The following TRPV3 variants were observed in gnomAD, a reference collection of about 807,000 sequenced individuals.
The protein encoded by TRPV3 is VRL-3.
Under a neutral mutation model 87.1 loss-of-function variants are expected in TRPV3, and 88 were observed. That is an observed-to-expected ratio of 1.01 (90% confidence interval 0.85 to 1.21). TRPV3 has a LOEUF of 1.21. Among genes scored for constraint, TRPV3 ranks in the 50% most tolerant of loss-of-function variants. The pLI is 0.00. For missense variants in TRPV3, 1,054 were observed against 1,030.1 expected, an observed-to-expected ratio of 1.02 and a Z score of -0.32; for synonymous variants, 438 against 423.3, an observed-to-expected ratio of 1.03 and a Z score of -0.43.
At position 3,532,819 on chromosome 17, in the gene TRPV3, G is replaced by A. The variant is rs371794577; in HGVS notation, c.903C>T (p.His301=). The change falls in exon 8 of 18, where the codon CAC becomes CAT. Residue 301 remains histidine (H), a synonymous_variant. Coordinates refer to ENST00000576742, the MANE Select transcript of TRPV3 (RefSeq NM_145068.4). Reference sequence around the variant, plus strand: ...AGTCCTCGGCCACGGTCACCAGGGCGTGAAGGATGTTGTTGCCTCGTGAGT... The same window carrying A: ...AGTCCTCGGCCACGGTCACCAGGGCATGAAGGATGTTGTTGCCTCGTGAGT... The part of the protein sequence containing the change: ...SRDSRGNNIL[H]ALVTVAEDFK... 247 of 1,614,160 alleles carry A rather than the reference G, an allele frequency of 1.5e-4. No homozygotes were observed. Among genetic ancestry groups the A allele is most frequent in the Non-Finnish European group, 1.7e-4 (201 of 1,180,054 alleles).
At chr17:3,524,986 C>T (rs2074282796) in intron 12 of TRPV3, among the ~76,000 whole-genome samples, 1 of 152,108 alleles carries the variant, frequency 6.6e-6, no homozygotes, top group Non-Finnish European at 1.5e-5. Context: ...GCAAAAGTCC[C>T]CCAAACCCTA....
intron 12 of TRPV3, among the ~76,000 whole-genome samples, chr17:3,524,647 G>C (rs1019158530): frequency 6.6e-6 from 1 of 151,624 alleles, no homozygotes; most frequent in South Asian, 2.1e-4. Flanking sequence ...AAGATTCTAG[G>C]GTACTGCCCG....
intron 12 of TRPV3, among the ~76,000 whole-genome samples, chr17:3,525,090 G>C (rs2074285066): frequency 6.6e-6 from 1 of 152,206 alleles, no homozygotes; most frequent in African/African-American, 2.4e-5. Context: ...CATGAACTCT[G>C]CTCACTGCAA....
At position 3,515,576 on chromosome 17, in the gene TRPV3, G is replaced by A. The variant is rs571363004; in HGVS notation, c.2198+881C>T. The stretch of plus-strand genomic sequence containing the variant: ...CCGGGGAGGCTGAGGCAGGAGAATC[G>A]CTTCAACCAGGGAGGCGGAGGTTGC... On this transcript the variant is annotated intron_variant, in intron 16 of 17. Transcript: ENST00000576742. 1.1e-3 allele frequency among the ~76,000 whole-genome samples: 172 copies of A among 151,232 alleles called. 1 individual carries two copies. Among genetic ancestry groups the A allele is most frequent in the African/African-American group, 4.0e-3 (165 of 41,202 alleles).
In TRPV3 at chr17:3,535,707, G is replaced by T; in HGVS notation, c.650C>A (p.Thr217Lys). The change falls in exon 7 of 18, where the codon ACG (threonine) becomes AAG (lysine). Residue 217 changes from threonine to lysine, a missense_variant. Coordinates refer to ENST00000576742, the MANE Select transcript of TRPV3 (RefSeq NM_145068.4). ...CCGCTCGATGGCGATGTTCAGCGCC[G>T]TCTGCCCTGCGGAGCGGGCGGGGAC... Reference protein sequence around the residue: ...EYTEEAYEGQTALNIAIERRQ... With the variant: ...EYTEEAYEGQKALNIAIERRQ... 6.5e-7 allele frequency: 1 copy of T among 1,541,292 alleles called. No homozygotes were observed. The highest frequency in any genetic ancestry group is 8.7e-7 in the Non-Finnish European group (1 of 1,147,084).
intron 6 of TRPV3, among the ~76,000 whole-genome samples, chr17:3,537,365 T>C (rs1265345031): frequency 4.6e-5 from 7 of 151,840 alleles, no homozygotes; most frequent in African/African-American, 1.7e-4. Context: ...GATAAGTAAA[T>C]AAAACTATTT....
In TRPV3 at chr17:3,545,162, C is replaced by A; in HGVS notation, c.224+5G>T. ...GCAAGGGGTTGGGCTGGGGCCCGTA[C>A]TCACCACTGCCGGATGTTGGAATCC... On this transcript the variant is annotated splice_donor_5th_base_variant and intron_variant, in intron 3 of 17. Coordinates refer to ENST00000576742, the MANE Select transcript of TRPV3 (RefSeq NM_145068.4). 1 of 1,611,704 alleles carries A rather than the reference C, an allele frequency of 6.2e-7. No homozygotes were observed.
chr17:3,547,201 C>T (rs1348391066), intron 2 of TRPV3, among the ~76,000 whole-genome samples: 3 of 152,174 alleles, frequency 2.0e-5, no homozygotes, highest in Admixed American at 6.5e-5. Context: ...TCTGAGGGGC[C>T]GTCCCTAGAC....
Position 3,528,009 on chromosome 17 carries a change from CG to C in TRPV3, c.1503+15del. 12 of 1,606,406 alleles carry C rather than the reference CG, an allele frequency of 7.5e-6. No homozygotes were observed. Among genetic ancestry groups the C allele is most frequent in the African/African-American group, 4.0e-5 (3 of 74,870 alleles). On this transcript the variant is annotated intron_variant, in intron 11 of 17. Transcript: ENST00000576742. The surrounding 1 kb of genome is among the most constrained non-coding windows in gnomAD (Gnocchi z 4.2). ...GCCTCGCGGGGCGGTCTGGAAGGGC[CG>C]GGTGGCCCACTTACCTCTTTCACAG...
At chr17:3,525,071 G>C (rs1194095802) in intron 12 of TRPV3, among the ~76,000 whole-genome samples, 1 of 152,224 alleles carries the variant, frequency 6.6e-6, no homozygotes, top group Non-Finnish European at 1.5e-5. Context: ...CTAGGCTGGA[G>C]TACAGTGGCA....
intron 15 of TRPV3, among the ~76,000 whole-genome samples, chr17:3,517,086 A>G (rs1324534113): frequency 6.6e-6 from 1 of 151,946 alleles, no homozygotes; most frequent in African/African-American, 2.4e-5. Context: ...TGGAGTTTGC[A>G]GTGAGCCGAG....
At chr17:3,534,911 C>G (rs1298451223) in intron 7 of TRPV3, among the ~76,000 whole-genome samples, 2 of 152,104 alleles carry the variant, frequency 1.3e-5, no homozygotes, top group African/African-American at 2.4e-5. Flanking sequence ...TCTCTGTTCC[C>G]TCAGAGAGCT....
intron 7 of TRPV3, 60 bp from the exon 8 acceptor site, chr17:3,532,997 G>A (rs1246388836): frequency 6.3e-7 from 1 of 1,586,048 alleles, no homozygotes; most frequent in East Asian, 2.2e-5. Flanking sequence ...CGTCCCCCAA[G>A]CCCCAGGACT....
rs1049015554 is a variant in TRPV3, at chr17:3,513,670, C to A, written c.*247G>T. Reference sequence around the variant, plus strand: ...CTTCAGGAGGCTCCCAGGCTCCAGACTGCTGCTGGCTGTAGGTTTACACCA... The same window carrying A: ...CTTCAGGAGGCTCCCAGGCTCCAGAATGCTGCTGGCTGTAGGTTTACACCA... On this transcript the variant is annotated 3_prime_UTR_variant, in exon 18 of 18. Coordinates refer to ENST00000576742, the MANE Select transcript of TRPV3 (RefSeq NM_145068.4). 8 of 416,198 alleles carry A rather than the reference C, an allele frequency of 1.9e-5. No individual in the cohort carries two copies. The highest frequency in any genetic ancestry group is 1.4e-4 in the African/African-American group (7 of 49,956). 25.8% of individuals were successfully genotyped at this position (416,198 alleles called of 1,614,324 possible). A position where few individuals can be genotyped will look rare whatever the true frequency, so the allele number is the denominator to read the frequency against.
At position 3,543,576 on chromosome 17, in the gene TRPV3, G is replaced by A. The variant is rs760501970; in HGVS notation, c.364C>T (p.Arg122Cys). The change falls in exon 5 of 18, where the codon CGC becomes TGC. Residue 122 changes from arginine (R) to cysteine (C), a missense_variant. Physicochemically the swap from Arg to Cys is radical, Grantham distance 180. Transcript: ENST00000576742. ...QRRKKRRLKK[R>C]IFAAVSEGCV... ...CCCTCAGACACGGCTGCAAAGATGC[G>A]CTTCTTCAGCCGCCTCTTTTTCCTC... 16 of 1,613,946 alleles carry A rather than the reference G, an allele frequency of 9.9e-6. No individual in the cohort carries two copies. Among genetic ancestry groups the A allele is most frequent in the Middle Eastern group, 1.6e-4 (1 of 6,084 alleles).
At chr17:3,539,042 G>A (rs2074433852) in intron 6 of TRPV3, among the ~76,000 whole-genome samples, 1 of 152,138 alleles carries the variant, frequency 6.6e-6, no homozygotes, top group South Asian at 2.1e-4. Context: ...TCTGTCAGTG[G>A]GGGAGTGGTG....
rs149863646 is a variant in TRPV3 at position 3,541,164 on chromosome 17, G to C, written c.643+1358C>G. Among the ~76,000 whole-genome samples the C allele has an allele frequency of 3.8e-3, 575 of 152,272 alleles. 21 individuals carry two copies. In the East Asian group the frequency reaches 0.085, roughly 22 times the overall value. On this transcript the variant is annotated intron_variant, in intron 6 of 17. Transcript: ENST00000576742. ...GTGGATCACCTGAGGTTGGGAGTTT[G>C]AGACCAGCCTGGCCAAAATGGTGAA...
intron 2 of TRPV3, among the ~76,000 whole-genome samples, chr17:3,551,668 CTG>C (rs2074575667): frequency 8.1e-6 from 1 of 124,210 alleles, no homozygotes; most frequent in South Asian, 2.7e-4. Context: ...GTCTGTATCT[CTG>C]TCTCTGGGCA....
chr17:3,545,303 C>G (rs376121651), intron 2 of TRPV3, 32 bp from the exon 3 acceptor site: 3 of 1,543,856 alleles, frequency 1.9e-6, no homozygotes, highest in African/African-American at 1.4e-5. Flanking sequence ...CTGTTAGGGC[C>G]GAGCCAGGCA....
Sources: allele counts gnomAD v4.1 joint callset (sites outside exome capture counted in the v4.1 genomes callset), GRCh38; gene constraint gnomAD v4.1.1; non-coding constraint Gnocchi (gnomAD v3.1); transcripts MANE v1.5; gene names NCBI Gene and HGNC (gene_info 2026-07-23, HGNC 2026-07-21).